COL23A1: variants seen among roughly 807,000 people sequenced by gnomAD.
The protein encoded by COL23A1 is collagen alpha-1(XXIII) chain.
Under a neutral mutation model 99.3 loss-of-function variants are expected in COL23A1, and 97 were observed. The ratio of observed to expected loss-of-function variants is 0.98; its 90% CI spans 0.83 to 1.16. The LOEUF is 1.16. Ranked by LOEUF, COL23A1 falls within the 50% of genes most tolerant of loss-of-function variation. COL23A1 has a pLI of 0.00. For synonymous variants in COL23A1, 320 were observed against 308.2 expected (o/e 1.04, Z -0.40); for missense variants, 762 against 757.4 (o/e 1.01, Z -0.07).
At chr5:178,578,248 C>G (rs1444308993) in intron 1 of COL23A1, among the ~76,000 whole-genome samples, 1 of 152,204 alleles carries the variant, frequency 6.6e-6, no homozygotes, top group African/African-American at 2.4e-5. Flanking sequence ...TCCTGGCACA[C>G]ACGTGCACAC....
chr5:178,579,180 C>T (rs1461310637), intron 1 of COL23A1, among the ~76,000 whole-genome samples: 1 of 152,144 alleles, frequency 6.6e-6, no homozygotes, highest in East Asian at 1.9e-4. Flanking sequence ...CACCATGGGA[C>T]CTCGATTAGC....
intron 1 of COL23A1, among the ~76,000 whole-genome samples, chr5:178,570,882 T>G (rs1763059096): frequency 6.6e-6 from 1 of 150,808 alleles, no homozygotes; most frequent in African/African-American, 2.4e-5. Flanking sequence ...CAAGATCTGC[T>G]GAGGATCCCC....
chr5:178,336,530 G>C (rs1042492562), intron 2 of COL23A1, among the ~76,000 whole-genome samples: 6 of 152,212 alleles, frequency 3.9e-5, no homozygotes, highest in Admixed American at 3.9e-4. Flanking sequence ...GAAAAGTACA[G>C]AATACGTCAA....
At chr5:178,440,262 T>C (rs1766788785) in intron 2 of COL23A1, among the ~76,000 whole-genome samples, 1 of 152,138 alleles carries the variant, frequency 6.6e-6, no homozygotes, top group South Asian at 2.1e-4. Flanking sequence ...ATCTGCAGAT[T>C]TGCCTTTCCG....
chr5:178,397,220 A>T (rs966805317), intron 2 of COL23A1, among the ~76,000 whole-genome samples: 5 of 152,176 alleles, frequency 3.3e-5, no homozygotes, highest in Non-Finnish European at 5.9e-5. Context: ...GCCGCCACCA[A>T]CATCCACTCA....
chr5:178,579,214 A>G (rs1763538905), intron 1 of COL23A1, among the ~76,000 whole-genome samples: 1 of 152,214 alleles, frequency 6.6e-6, no homozygotes, highest in South Asian at 2.1e-4. Context: ...CATTCCTTCC[A>G]AATTCAGTCA....
chr5:178,404,560 TA>T (rs1356958511), intron 2 of COL23A1, among the ~76,000 whole-genome samples: 1 of 68,178 alleles, frequency 1.5e-5, no homozygotes, highest in Non-Finnish European at 2.3e-5. Flanking sequence ...GCTGATTCCT[TA>T]TGGTGAACCT....
At chr5:178,412,975 T>C (rs933764645) in intron 2 of COL23A1, among the ~76,000 whole-genome samples, 2 of 151,964 alleles carry the variant, frequency 1.3e-5, no homozygotes, top group South Asian at 2.1e-4. Context: ...AGTACAACTT[T>C]TTCTATTCCA....
intron 2 of COL23A1, among the ~76,000 whole-genome samples, chr5:178,417,169 G>A (rs114539942): frequency 9.3e-4 from 141 of 152,270 alleles, no homozygotes; most frequent in Non-Finnish European, 1.7e-3. Context: ...TGGGCGAGGC[G>A]GTGCCAGTCT....
intron 2 of COL23A1, among the ~76,000 whole-genome samples, chr5:178,377,012 A>G (rs13156933): frequency 0.1 from 15,925 of 152,066 alleles, 1,670 homozygotes; most frequent in African/African-American, 0.28. Flanking sequence ...ACTACTCATC[A>G]CCTCTTGAAG....
chr5:178,544,387 CGG>C lies in COL23A1; in HGVS notation c.361+16293_361+16294del, dbSNP rs1156569097. On this transcript the variant is annotated intron_variant, in intron 2 of 28. Coordinates refer to ENST00000390654, the MANE Select transcript of COL23A1 (RefSeq NM_173465.4). This position sits in a 1 kb window ranked among gnomAD's most constrained non-coding sequence, Gnocchi z 4.4. ...TTCAGGGAGGACGCAGGCGCAGGGCCGGGGAGCTGGGAGGCACCACTTTGCCC... is the reference window on the plus strand; with the variant it reads ...TTCAGGGAGGACGCAGGCGCAGGGCCGGAGCTGGGAGGCACCACTTTGCCC... Among the ~76,000 whole-genome samples, 1 of 152,162 alleles carries C rather than the reference CGG, an allele frequency of 6.6e-6. No individual in the cohort carries two copies. The highest frequency in any genetic ancestry group is 6.5e-5 in the Admixed American group (1 of 15,270).
At chr5:178,420,434 C>CT (rs375014548) in intron 2 of COL23A1, among the ~76,000 whole-genome samples, 16 of 76,402 alleles carry the variant, frequency 2.1e-4, no homozygotes, top group Non-Finnish European at 3.0e-4. Context: ...TCCCCTCCCC[C>CT]GCTCTTTCCT....
At chr5:178,316,960 C>T (rs1408408565) in intron 2 of COL23A1, among the ~76,000 whole-genome samples, 1 of 151,994 alleles carries the variant, frequency 6.6e-6, no homozygotes, top group Non-Finnish European at 1.5e-5. Flanking sequence ...TCGGCTTATT[C>T]TATGGAGTGA....
intron 2 of COL23A1, among the ~76,000 whole-genome samples, chr5:178,534,024 A>G (rs1475958478): frequency 6.6e-6 from 1 of 152,152 alleles, no homozygotes; most frequent in Non-Finnish European, 1.5e-5. Context: ...CCTGCCTCCC[A>G]CAGGCTACAA....
Position 178,384,451 on chromosome 5 carries a change from C to T in COL23A1, c.362-77532G>A, listed in dbSNP as rs1763558341. 6.6e-6 allele frequency among the ~76,000 whole-genome samples: 1 copy of T among 152,352 alleles called. No individual in the cohort carries two copies. ...GGCTTCGGCTTTCCAAGCCAGACCT[C>T]TCCTCCCTGCCCACCCCTCCCTCGG... On this transcript the variant is annotated intron_variant, in intron 2 of 28. Coordinates refer to ENST00000390654, the MANE Select transcript of COL23A1 (RefSeq NM_173465.4). The surrounding 1 kb of genome is among the most constrained non-coding windows in gnomAD (Gnocchi z 5.5).
chr5:178,576,657 G>A (rs1030151894), intron 1 of COL23A1, among the ~76,000 whole-genome samples: 1 of 152,128 alleles, frequency 6.6e-6, no homozygotes, highest in Non-Finnish European at 1.5e-5. Context: ...GGTCGTGGAG[G>A]GCCCCGGGCT....
intron 2 of COL23A1, among the ~76,000 whole-genome samples, chr5:178,417,621 C>A (rs545597407): frequency 6.6e-6 from 1 of 152,172 alleles, no homozygotes; most frequent in East Asian, 1.9e-4. Flanking sequence ...CAACCCTCAA[C>A]GATAAAGCGA....
intron 1 of COL23A1, among the ~76,000 whole-genome samples, chr5:178,569,168 T>A (rs1049418055): frequency 4.6e-5 from 7 of 152,234 alleles, no homozygotes; most frequent in African/African-American, 1.7e-4. Context: ...ATACTTTTCG[T>A]GTGTTTGTTG....
In COL23A1 at chr5:178,468,953, G is replaced by T. The variant is rs193063915; in HGVS notation, c.361+91729C>A. Among the ~76,000 whole-genome samples, 2 of 152,112 alleles carry T rather than the reference G, an allele frequency of 1.3e-5. No homozygotes were observed. Among genetic ancestry groups the T allele is most frequent in the Admixed American group, 6.5e-5 (1 of 15,278 alleles). On this transcript the variant is annotated intron_variant, in intron 2 of 28. Transcript: ENST00000390654. This position sits in a 1 kb window ranked among gnomAD's most constrained non-coding sequence, Gnocchi z 4.2. ...TGTGGCACCCACCATCCTGGTTTCC[G>T]TCTCTATGAATTTGATGACTGGGTG...
Sources: allele counts gnomAD v4.1 joint callset (sites outside exome capture counted in the v4.1 genomes callset), GRCh38; gene constraint gnomAD v4.1.1; non-coding constraint Gnocchi (gnomAD v3.1); transcripts MANE v1.5; gene names NCBI Gene and HGNC (gene_info 2026-07-23, HGNC 2026-07-21).